ROBO1: variants seen among roughly 807,000 people sequenced by gnomAD.
ROBO1 encodes the protein roundabout guidance receptor 1, also known as roundabout homolog 1.
Under a neutral mutation model 195.9 loss-of-function variants are expected in ROBO1, and 149 were observed. The ratio of observed to expected loss-of-function variants is 0.76; its 90% CI spans 0.67 to 0.87. The LOEUF (loss-of-function observed/expected upper bound fraction) is 0.87. ROBO1 is among the 40% of genes least tolerant of loss of function. ROBO1 has a pLI of 0.00. For missense variants in ROBO1, 1,933 were observed against 2,068.3 expected, an observed-to-expected ratio of 0.93 and a Z score of 1.27; for synonymous variants, 816 against 733.2, an observed-to-expected ratio of 1.11 and a Z score of -1.82.
chr3:78,608,895 G>T (rs1420087488), intron 28 of ROBO1, among the ~76,000 whole-genome samples: 1 of 152,150 alleles, frequency 6.6e-6, no homozygotes, highest in Non-Finnish European at 1.5e-5. Context: ...CAACAAAAGG[G>T]AGAGTTTGTG....
At chr3:79,088,174 T>G (rs1203919656) in intron 3 of ROBO1, among the ~76,000 whole-genome samples, 2 of 149,580 alleles carry the variant, frequency 1.3e-5, no homozygotes, top group East Asian at 1.9e-4. Flanking sequence ...GAAAGCACTC[T>G]GTCACTATAA....
chr3:79,678,308 T>A lies in ROBO1; in HGVS notation c.-50-88347A>T, dbSNP rs773183616. On this transcript the variant is annotated intron_variant, in intron 1 of 30. Coordinates refer to ENST00000464233, the MANE Select transcript of ROBO1 (RefSeq NM_002941.4). ...ATATAAATCACTATATATATATATA[T>A]AAATCACTAGAACAATGTTGTATGC... Among the ~76,000 whole-genome samples, 33 of 150,986 alleles carry A rather than the reference T, an allele frequency of 2.2e-4. 1 individual carries two copies. The Middle Eastern group carries it at 0.014, about 63-fold the overall frequency.
intron 26 of ROBO1, among the ~76,000 whole-genome samples, chr3:78,622,618 C>G (rs1350195602): frequency 6.6e-6 from 1 of 152,156 alleles, no homozygotes; most frequent in South Asian, 2.1e-4. Flanking sequence ...TCGCCATTCT[C>G]CCATCAAGAG....
At chr3:78,815,946 C>T (rs999909307) in intron 4 of ROBO1, among the ~76,000 whole-genome samples, 1 of 152,008 alleles carries the variant, frequency 6.6e-6, no homozygotes, top group African/African-American at 2.4e-5. Flanking sequence ...TATATGTTTC[C>T]AGTTATCCAG....
At chr3:78,975,459 G>T (rs1394891329) in intron 3 of ROBO1, among the ~76,000 whole-genome samples, 2 of 152,090 alleles carry the variant, frequency 1.3e-5, no homozygotes, top group Admixed American at 6.6e-5. Flanking sequence ...TGGATAAAAA[G>T]AATGAGAATT....
chr3:79,756,850 C>A (rs1704432351), intron 1 of ROBO1, among the ~76,000 whole-genome samples: 2 of 152,152 alleles, frequency 1.3e-5, no homozygotes, highest in African/African-American at 4.8e-5. Context: ...CACCATTCTA[C>A]TTTGTATCTC....
At chr3:79,203,263 T>A (rs938435001) in intron 2 of ROBO1, among the ~76,000 whole-genome samples, 1 of 152,132 alleles carries the variant, frequency 6.6e-6, no homozygotes, top group Admixed American at 6.6e-5. Flanking sequence ...ATATCAGTGG[T>A]TCTATATCAA....
chr3:79,069,183 A>G (rs1048812842), intron 3 of ROBO1, among the ~76,000 whole-genome samples: 1 of 151,888 alleles, frequency 6.6e-6, no homozygotes, highest in Non-Finnish European at 1.5e-5. Flanking sequence ...GTGGATGAAA[A>G]TAGGGCCTTT....
At chr3:78,769,617 GGTTTT>G (rs2083317412) in intron 4 of ROBO1, among the ~76,000 whole-genome samples, 1 of 72,924 alleles carries the variant, frequency 1.4e-5, no homozygotes, top group Non-Finnish European at 2.8e-5. Flanking sequence ...AGTGTACTTT[GGTTTT>G]TTTTTTTTTT....
chr3:78,737,311 A>G (rs957901101), intron 5 of ROBO1, among the ~76,000 whole-genome samples: 3 of 152,144 alleles, frequency 2.0e-5, no homozygotes, highest in African/African-American at 7.2e-5. Context: ...TCTTGAAGAA[A>G]ATTGGAATTG....
chr3:78,929,546 A>G (rs1159721004), intron 4 of ROBO1, among the ~76,000 whole-genome samples: 1 of 151,756 alleles, frequency 6.6e-6, no homozygotes, highest in African/African-American at 2.4e-5. Context: ...TCTATTGCCC[A>G]GGCTGGAGCA....
chr3:79,566,162 C>A (rs892241538), intron 2 of ROBO1, among the ~76,000 whole-genome samples: 1 of 151,994 alleles, frequency 6.6e-6, no homozygotes, highest in Non-Finnish European at 1.5e-5. Flanking sequence ...CAAGGCTAGA[C>A]CAAAAAGAAA....
intron 4 of ROBO1, among the ~76,000 whole-genome samples, chr3:78,756,113 T>C (rs1365147031): frequency 6.6e-6 from 1 of 152,136 alleles, no homozygotes; most frequent in Admixed American, 6.6e-5. Context: ...ATTATATATA[T>C]ATGTATGTAT....
chr3:79,261,196 T>C (rs998218584), intron 2 of ROBO1, among the ~76,000 whole-genome samples: 1 of 152,072 alleles, frequency 6.6e-6, no homozygotes, highest in African/African-American at 2.4e-5. Context: ...CCTTACTAAT[T>C]TGGCTGCATT....
At chr3:79,297,238 A>C (rs1209504561) in intron 2 of ROBO1, among the ~76,000 whole-genome samples, 1 of 152,114 alleles carries the variant, frequency 6.6e-6, no homozygotes, top group African/African-American at 2.4e-5. Context: ...CTTGAACTCA[A>C]TTTCCTTTTA....
At chr3:79,304,047 C>T (rs1051542941) in intron 2 of ROBO1, among the ~76,000 whole-genome samples, 15 of 152,174 alleles carry the variant, frequency 9.9e-5, no homozygotes, top group Non-Finnish European at 4.4e-5. Flanking sequence ...TAAAAATGTC[C>T]CATTTGTCTT....
At chr3:79,289,693 A>G (rs1359027880) in intron 2 of ROBO1, among the ~76,000 whole-genome samples, 1 of 152,236 alleles carries the variant, frequency 6.6e-6, no homozygotes, top group Admixed American at 6.5e-5. Flanking sequence ...TTTATGAAAT[A>G]CAAAAATAAT....
chr3:78,968,327 T>C (rs1347752006), intron 3 of ROBO1, among the ~76,000 whole-genome samples: 1 of 149,466 alleles, frequency 6.7e-6, no homozygotes, highest in Non-Finnish European at 1.5e-5. Flanking sequence ...CAGGCTGGAA[T>C]GCAGTGGTGC....
chr3:78,762,524 A>G (rs1420496116), intron 4 of ROBO1, among the ~76,000 whole-genome samples: 3 of 152,026 alleles, frequency 2.0e-5, no homozygotes, highest in African/African-American at 7.2e-5. Context: ...GATACATATA[A>G]TTTAATATAA....
Sources: gnomAD v4.1 joint callset for allele counts (sites outside exome capture counted in the v4.1 genomes callset) on GRCh38, gnomAD v4.1.1 for gene constraint, MANE v1.5 for transcripts, NCBI Gene and HGNC (gene_info 2026-07-23, HGNC 2026-07-21) for gene names.